Variants in CLINT1 observed in about 807,000 individuals in gnomAD.
CLINT1 encodes clathrin interacting protein localized in the trans-Golgi region.
In CLINT1, 15 loss-of-function variants were observed where a neutral mutation model predicts 70.4. The ratio of observed to expected loss-of-function variants is 0.21; its 90% CI spans 0.14 to 0.33. The LOEUF (loss-of-function observed/expected upper bound fraction) is 0.33. Ranked by LOEUF, CLINT1 falls within the 10% of genes least tolerant of loss-of-function variation. CLINT1 has a pLI of 1.00. For synonymous variants in CLINT1, 227 were observed against 254.7 expected (o/e 0.89, Z 1.04); for missense variants, 615 against 778.1 (o/e 0.79, Z 2.49).
chr5:157,798,187 T>C (rs406150), intron 8 of CLINT1, among the ~76,000 whole-genome samples: 62,610 of 152,010 alleles, frequency 0.41, 13,450 homozygotes, highest in East Asian at 0.61. Context: ...AAATTCCACA[T>C]TCATTTTCTA....
intron 9 of CLINT1, among the ~76,000 whole-genome samples, chr5:157,792,787 A>G (rs949731513): frequency 2.0e-5 from 3 of 152,218 alleles, no homozygotes; most frequent in African/African-American, 7.2e-5. Context: ...AGTCTTATCA[A>G]TTAACCTCTG....
intron 1 of CLINT1, among the ~76,000 whole-genome samples, chr5:157,827,974 C>T (rs1473308482): frequency 1.3e-5 from 2 of 152,144 alleles, no homozygotes; most frequent in Non-Finnish European, 2.9e-5. Context: ...GCATATACTA[C>T]CTGATCCCTG....
intron 11 of CLINT1, among the ~76,000 whole-genome samples, chr5:157,788,568 A>G (rs1761798325): frequency 6.6e-6 from 1 of 152,266 alleles, no homozygotes; most frequent in Non-Finnish European, 1.5e-5. Flanking sequence ...AGAGCTAACA[A>G]TCATTTTCCT....
chr5:157,788,513 A>G (rs1761796129), intron 11 of CLINT1, among the ~76,000 whole-genome samples: 1 of 152,228 alleles, frequency 6.6e-6, no homozygotes, highest in South Asian at 2.1e-4. Context: ...GCTGGAAACA[A>G]TTGAAATAAT....
chr5:157,825,055 TAAAGA>T (rs1762994343), intron 1 of CLINT1, among the ~76,000 whole-genome samples: 1 of 152,058 alleles, frequency 6.6e-6, no homozygotes, highest in Non-Finnish European at 1.5e-5. Context: ...CTTTTAAAAG[TAAAGA>T]AAATACCAGT....
In CLINT1 at chr5:157,802,543, T is replaced by TC. The variant is rs1491206271; in HGVS notation, c.1012+1106_1012+1107insG. On this transcript the variant is annotated intron_variant, in intron 8 of 11. Coordinates refer to ENST00000411809, the MANE Select transcript of CLINT1 (RefSeq NM_014666.4). ...ACAGTTCTTTTGCTGTAGCCCTCTC[T>TC]TTTTTTTTTTTTTTTCCGAGATGGA... Among the ~76,000 whole-genome samples, 945 of 100,134 alleles carry TC rather than the reference T, an allele frequency of 9.4e-3. 7 individuals carry two copies. Among genetic ancestry groups the TC allele is most frequent in the African/African-American group, 0.045 (879 of 19,340 alleles). The allele number at this position is 100,134 out of a possible 152,430, so 65.7% of individuals were successfully genotyped here. A position where few individuals can be genotyped will look rare whatever the true frequency, so the allele number is the denominator to read the frequency against.
intron 1 of CLINT1, among the ~76,000 whole-genome samples, chr5:157,828,036 T>C (rs1404790261): frequency 6.6e-6 from 1 of 152,214 alleles, no homozygotes; most frequent in Non-Finnish European, 1.5e-5. Context: ...GGTACCTATG[T>C]ATTATTATCA....
chr5:157,858,826 G>A (rs956920910), intron 1 of CLINT1, 104 bp downstream of exon 1: 7 of 1,271,510 alleles, frequency 5.5e-6, no homozygotes, highest in Admixed American at 2.1e-5. Flanking sequence ...GGCTGGCAGA[G>A]CCAGGGGGCG....
chr5:157,858,665 G>A (rs1753832152), intron 1 of CLINT1, among the ~76,000 whole-genome samples: 1 of 152,260 alleles, frequency 6.6e-6, no homozygotes, highest in Admixed American at 6.5e-5. Context: ...GCACCCAGGG[G>A]TTGGAATAGG....
chr5:157,845,534 T>G (rs1753341240), intron 1 of CLINT1, among the ~76,000 whole-genome samples: 1 of 151,858 alleles, frequency 6.6e-6, no homozygotes, highest in African/African-American at 2.4e-5. Context: ...TATGGCAACC[T>G]TGCATTAAGC....
At chr5:157,850,822 T>G (rs1753547796) in intron 1 of CLINT1, among the ~76,000 whole-genome samples, 1 of 152,030 alleles carries the variant, frequency 6.6e-6, no homozygotes, top group Non-Finnish European at 1.5e-5. Context: ...AGAGACAAAG[T>G]TTCACTCTGT....
intron 1 of CLINT1, among the ~76,000 whole-genome samples, chr5:157,852,939 T>C (rs1408029352): frequency 2.0e-5 from 3 of 152,216 alleles, no homozygotes; most frequent in African/African-American, 7.2e-5. Flanking sequence ...CAAAGGTAGC[T>C]GAGACTAAAA....
At chr5:157,845,257 G>T (rs1274531037) in intron 1 of CLINT1, among the ~76,000 whole-genome samples, 4 of 152,052 alleles carry the variant, frequency 2.6e-5, no homozygotes, top group Non-Finnish European at 5.9e-5. Context: ...GCTGAGGCAG[G>T]AGAATCACTT....
At chr5:157,816,956 T>C (rs1000849698) in intron 2 of CLINT1, 126 bp from the exon 3 acceptor site, 2 of 631,628 alleles carry the variant, frequency 3.2e-6, no homozygotes, top group African/African-American at 1.9e-5. Context: ...TCAAAAAATT[T>C]AGAAGATATG....
At chr5:157,825,671 T>C (rs1468875088) in intron 1 of CLINT1, among the ~76,000 whole-genome samples, 1 of 152,168 alleles carries the variant, frequency 6.6e-6, no homozygotes. Context: ...TTCCAATTTT[T>C]TCCTCCTGAC....
intron 1 of CLINT1, among the ~76,000 whole-genome samples, chr5:157,849,502 T>G (rs1390367285): frequency 6.6e-6 from 1 of 152,254 alleles, no homozygotes; most frequent in Non-Finnish European, 1.5e-5. Flanking sequence ...CAATATTCAC[T>G]TTATTGCAGT....
intron 1 of CLINT1, among the ~76,000 whole-genome samples, chr5:157,849,266 A>G (rs1034136745): frequency 6.6e-6 from 1 of 152,256 alleles, no homozygotes; most frequent in African/African-American, 2.4e-5. Context: ...CACAACCCTG[A>G]TAAGTCAGCA....
chr5:157,806,079 G>C lies in CLINT1; in HGVS notation c.729C>G (p.Gly243=). 1 of 1,613,862 alleles carries C rather than the reference G, an allele frequency of 6.2e-7. No homozygotes were observed. Among genetic ancestry groups the C allele is most frequent in the South Asian group, 1.1e-5 (1 of 91,064 alleles). ...DSDEEKKARR[G]RSPKGEFKDE... is the part of the protein sequence containing the mutation. ...CTTTGAATTCACCTTTGGGAGATCT[G>C]CCTCTTCTCGCTTTCTTTTCCTCAT... The change falls in exon 7 of 12, where the codon GGC becomes GGG. Residue 243 remains glycine, a synonymous_variant. Transcript: ENST00000411809.
Position 157,791,996 on chromosome 5 carries a change from C to T in CLINT1, c.1088-1G>A, listed in dbSNP as rs1561636155. ...TCTCCATTCCCACTTGTTGCTGTTA[C>T]TAAGACAGAAATAACTCTAAGGGTA... On this transcript the variant is annotated splice_acceptor_variant, in intron 9 of 11. Transcript: ENST00000411809. LOFTEE classifies it high-confidence loss of function. 4.3e-6 allele frequency: 7 copies of T among 1,611,020 alleles called. No homozygotes were observed. Among genetic ancestry groups the T allele is most frequent in the Non-Finnish European group, 5.9e-6 (7 of 1,178,480 alleles).
Sources: allele counts gnomAD v4.1 joint callset (sites outside exome capture counted in the v4.1 genomes callset), GRCh38; gene constraint gnomAD v4.1.1; transcripts MANE v1.5; gene names NCBI Gene and HGNC (gene_info 2026-07-23, HGNC 2026-07-21).